The following FILIP1L variants were observed in gnomAD, a reference collection of about 807,000 sequenced individuals.
The protein encoded by FILIP1L is filamin A-interacting protein 1-like.
A neutral mutation model predicts 96.6 loss-of-function variants in FILIP1L; 55 were observed. The observed-to-expected ratio is 0.57, with a 90% CI of 0.46 to 0.71. The LOEUF (loss-of-function observed/expected upper bound fraction) is 0.71, where lower values mean the gene tolerates loss of function less well. Ranked by LOEUF, FILIP1L falls within the 30% of genes least tolerant of loss-of-function variation. The pLI, the probability that FILIP1L is intolerant of heterozygous loss-of-function variation, is 0.00. For synonymous variants in FILIP1L, 467 were observed against 473.9 expected (o/e 0.99, Z 0.19); for missense variants, 1,304 against 1,321.2 (o/e 0.99, Z 0.20).
chr3:100,107,009 C>G (rs532120009), intron 1 of FILIP1L, among the ~76,000 whole-genome samples: 1 of 152,246 alleles, frequency 6.6e-6, no homozygotes, highest in South Asian at 2.1e-4. Context: ...ACCTAACTCT[C>G]AAAGAATAAA....
intron 4 of FILIP1L, among the ~76,000 whole-genome samples, chr3:99,891,930 A>G (rs540989699): frequency 6.6e-6 from 1 of 152,332 alleles, no homozygotes; most frequent in African/African-American, 2.4e-5. Context: ...TCGGCTATCT[A>G]GAATAGCTAT....
chr3:100,062,204 C>T (rs1049117839), intron 1 of FILIP1L, among the ~76,000 whole-genome samples: 2 of 146,822 alleles, frequency 1.4e-5, no homozygotes, highest in South Asian at 2.2e-4. Flanking sequence ...CTCCGCCTCC[C>T]GGGTTCAGGC....
At chr3:99,879,216 C>T (rs1705638871) in intron 4 of FILIP1L, among the ~76,000 whole-genome samples, 2 of 152,098 alleles carry the variant, frequency 1.3e-5, no homozygotes, top group African/African-American at 2.4e-5. Flanking sequence ...AAGTTCATTG[C>T]TTTCTAATGC....
At chr3:100,057,807 G>A (rs577683675) in intron 1 of FILIP1L, among the ~76,000 whole-genome samples, 17 of 152,122 alleles carry the variant, frequency 1.1e-4, no homozygotes, top group Non-Finnish European at 2.5e-4. Context: ...TCAAACCCTA[G>A]GTTTTTTTAA....
intron 4 of FILIP1L, among the ~76,000 whole-genome samples, chr3:99,923,428 AC>A (rs2107653145): frequency 6.6e-6 from 1 of 152,250 alleles, no homozygotes; most frequent in Admixed American, 6.5e-5. Flanking sequence ...AACACAGAAA[AC>A]TGTGCCCCAT....
At chr3:100,045,256 G>A (rs1221976273) in intron 1 of FILIP1L, among the ~76,000 whole-genome samples, 13 of 152,168 alleles carry the variant, frequency 8.5e-5, no homozygotes, top group African/African-American at 1.2e-4. Flanking sequence ...AAAGGGATGC[G>A]TACAGCACAT....
intron 1 of FILIP1L, among the ~76,000 whole-genome samples, chr3:99,971,747 A>G (rs956901036): frequency 3.9e-5 from 6 of 152,206 alleles, no homozygotes; most frequent in Admixed American, 1.3e-4. Context: ...CGGAACCTCA[A>G]ACTTCTGAAA....
chr3:99,945,828 T>C (rs774805985), intron 1 of FILIP1L, among the ~76,000 whole-genome samples: 1 of 152,204 alleles, frequency 6.6e-6, no homozygotes, highest in Non-Finnish European at 1.5e-5. Flanking sequence ...AGAGAAACCC[T>C]GTCAGGGCTC....
chr3:100,097,118 A>G (rs909241497), intron 1 of FILIP1L, among the ~76,000 whole-genome samples: 2 of 152,200 alleles, frequency 1.3e-5, no homozygotes, highest in Admixed American at 6.5e-5. Flanking sequence ...TTAGATTCTC[A>G]TAGGAGCACA....
chr3:100,057,693 C>G (rs2065488779), intron 1 of FILIP1L, among the ~76,000 whole-genome samples: 1 of 152,182 alleles, frequency 6.6e-6, no homozygotes, highest in Non-Finnish European at 1.5e-5. Flanking sequence ...GAGAAGCCCC[C>G]TGCTTGCCCG....
chr3:99,899,989 A>G (rs1195240817), intron 4 of FILIP1L, among the ~76,000 whole-genome samples: 2 of 152,230 alleles, frequency 1.3e-5, no homozygotes, highest in South Asian at 2.1e-4. Context: ...TTGAAATCGT[A>G]TAATTCTGAG....
chr3:99,913,701 T>C (rs771325635), intron 4 of FILIP1L, among the ~76,000 whole-genome samples: 2 of 152,212 alleles, frequency 1.3e-5, no homozygotes, highest in African/African-American at 2.4e-5. Context: ...TGGATTATCT[T>C]TGAGGAGTAG....
intron 3 of FILIP1L, among the ~76,000 whole-genome samples, chr3:99,928,060 G>A (rs6807615): frequency 0.011 from 1,714 of 152,314 alleles, 17 homozygotes; most frequent in African/African-American, 0.025. Context: ...AGAAGGGGCT[G>A]TTAACACTTC....
intron 1 of FILIP1L, among the ~76,000 whole-genome samples, chr3:99,936,177 A>C (rs964896759): frequency 6.6e-6 from 1 of 152,066 alleles, no homozygotes; most frequent in Non-Finnish European, 1.5e-5. Context: ...CAAAAAAGAA[A>C]TCATTTTTGG....
intron 1 of FILIP1L, among the ~76,000 whole-genome samples, chr3:99,935,424 TA>T (rs1707632707): frequency 6.6e-6 from 1 of 152,210 alleles, no homozygotes; most frequent in Non-Finnish European, 1.5e-5. Context: ...GTGACTGTCA[TA>T]ACCCTAGAAC....
chr3:99,840,277 G>A (rs793438), intron 5 of FILIP1L, among the ~76,000 whole-genome samples: 5,117 of 134,990 alleles, frequency 0.038, 129 homozygotes, highest in Admixed American at 0.051. Flanking sequence ...AGGCTGGAGT[G>A]CAGTGGCGTG....
At chr3:100,030,093 T>A (rs2064998060) in intron 1 of FILIP1L, among the ~76,000 whole-genome samples, 1 of 152,158 alleles carries the variant, frequency 6.6e-6, no homozygotes, top group African/African-American at 2.4e-5. Context: ...GTTTTACAGA[T>A]AAGGAAACGG....
At position 99,850,992 on chromosome 3, in the gene FILIP1L, C is replaced by T. The variant is rs376007423; in HGVS notation, c.684G>A (p.Leu228=). Residue 228 remains leucine, a synonymous_variant, in exon 5 of 6, where the codon CTG becomes CTA. Coordinates refer to ENST00000477258, the MANE Select transcript of FILIP1L (RefSeq NM_001387850.1). ...ACTTCAGCTTGGTCAGCTCCTCTTT[C>T]AGGGTGGTGACCCTTTTCTCCTTTT... is the stretch of plus-strand genomic sequence containing the variant. ...EQEKEKRVTT[L]KEELTKLKSF... The T allele has an allele frequency of 2.7e-5, 44 of 1,613,842 alleles. No individual in the cohort carries two copies. In the African/African-American group the frequency reaches 3.9e-4, roughly 14 times the overall value.
At chr3:99,861,118 A>G (rs1349778376) in intron 4 of FILIP1L, among the ~76,000 whole-genome samples, 1 of 151,570 alleles carries the variant, frequency 6.6e-6, no homozygotes, top group African/African-American at 2.4e-5. Flanking sequence ...GTTCTTGATT[A>G]TTTAGAAAAG....
Sources: allele counts gnomAD v4.1 joint callset (sites outside exome capture counted in the v4.1 genomes callset), GRCh38; gene constraint gnomAD v4.1.1; transcripts MANE v1.5; gene names NCBI Gene and HGNC (gene_info 2026-07-23, HGNC 2026-07-21).